The following ALKBH8 variants were observed in gnomAD, a reference collection of about 807,000 sequenced individuals.
ALKBH8 encodes alkB homolog 8, tRNA methyltransferase, also known as tRNA (carboxymethyluridine(34)-5-O)-methyltransferase ALKBH8.
In ALKBH8, 36 loss-of-function variants were observed where a neutral mutation model predicts 59.8. The ratio of observed to expected loss-of-function variants is 0.60; its 90% CI spans 0.46 to 0.79. ALKBH8 has a LOEUF of 0.79. Ranked by LOEUF, ALKBH8 falls within the 30% of genes least tolerant of loss-of-function variation. The probability of loss-of-function intolerance (pLI) is 0.00; values close to 1 mark genes in which losing one functional copy is unlikely to be tolerated. For missense variants in ALKBH8, 768 were observed against 801.0 expected, an observed-to-expected ratio of 0.96 and a Z score of 0.50; for synonymous variants, 276 against 273.6, an observed-to-expected ratio of 1.01 and a Z score of -0.09.
At chr11:107,528,383 A>G (rs1012752324) in intron 8 of ALKBH8, among the ~76,000 whole-genome samples, 3 of 152,180 alleles carry the variant, frequency 2.0e-5, no homozygotes, top group Non-Finnish European at 4.4e-5. Flanking sequence ...GTTTTAGGGT[A>G]CATGTGCACA....
intron 2 of ALKBH8, among the ~76,000 whole-genome samples, chr11:107,560,133 C>T (rs776007990): frequency 7.2e-5 from 11 of 152,124 alleles, no homozygotes; most frequent in Non-Finnish European, 1.2e-4. Context: ...TACTACTACT[C>T]GTGTCCAGAA....
intron 9 of ALKBH8, among the ~76,000 whole-genome samples, chr11:107,523,689 G>A (rs1863228854): frequency 6.9e-6 from 1 of 145,548 alleles, no homozygotes; most frequent in African/African-American, 2.5e-5. Context: ...TGCAACCTCC[G>A]CCTCCTGGGT....
chr11:107,527,930 G>A (rs981969483), intron 8 of ALKBH8, among the ~76,000 whole-genome samples: 1 of 152,024 alleles, frequency 6.6e-6, no homozygotes, highest in Non-Finnish European at 1.5e-5. Flanking sequence ...ATACCATTAA[G>A]TATATGATGT....
intron 1 of ALKBH8, among the ~76,000 whole-genome samples, chr11:107,564,910 T>C (rs990178108): frequency 2.6e-5 from 4 of 152,220 alleles, no homozygotes; most frequent in Non-Finnish European, 5.9e-5. Flanking sequence ...TAAACCTAAA[T>C]CGACTTTGCT....
chr11:107,555,259 C>CA lies in ALKBH8; in HGVS notation c.368-1282dup, dbSNP rs1033212319. Reference sequence around the variant, plus strand: ...TAGGTGAAAGAGCAGGACTCTGTCTCAAAAAAAAATAAAAAAAACTATTTG... The same window carrying CA: ...TAGGTGAAAGAGCAGGACTCTGTCTCAAAAAAAAAATAAAAAAAACTATTTG... On this transcript the variant is annotated intron_variant, in intron 3 of 11. Coordinates refer to ENST00000428149, the MANE Select transcript of ALKBH8 (RefSeq NM_138775.3). Among the ~76,000 whole-genome samples, 14 of 148,842 alleles carry CA rather than the reference C, an allele frequency of 9.4e-5. 1 individual carries two copies. The South Asian group carries it at 1.3e-3, about 14-fold the overall frequency.
At chr11:107,518,704 G>A (rs181172300) in intron 10 of ALKBH8, among the ~76,000 whole-genome samples, 29 of 152,348 alleles carry the variant, frequency 1.9e-4, no homozygotes, top group East Asian at 1.2e-3. Context: ...TTTCCCGTAA[G>A]GGATACTTTT....
chr11:107,520,764 T>A (rs1229686740), intron 10 of ALKBH8, among the ~76,000 whole-genome samples: 4 of 152,204 alleles, frequency 2.6e-5, no homozygotes, highest in Non-Finnish European at 4.4e-5. Context: ...CTTATCTTGA[T>A]GAAAGGCTAT....
intron 8 of ALKBH8, among the ~76,000 whole-genome samples, chr11:107,530,420 T>G (rs1863537168): frequency 6.6e-6 from 1 of 152,194 alleles, no homozygotes; most frequent in South Asian, 2.1e-4. Flanking sequence ...TATTTATACA[T>G]GTTTTAAGTG....
At chr11:107,556,223 A>T (rs2135583571) in intron 3 of ALKBH8, among the ~76,000 whole-genome samples, 1 of 152,314 alleles carries the variant, frequency 6.6e-6, no homozygotes, top group Admixed American at 6.5e-5. Context: ...GGTTGCAGTG[A>T]GCCGAGATTG....
At chr11:107,546,791 T>C (rs749924173) in intron 7 of ALKBH8, among the ~76,000 whole-genome samples, 3 of 152,200 alleles carry the variant, frequency 2.0e-5, no homozygotes, top group Non-Finnish European at 4.4e-5. Flanking sequence ...GGAAAACTAA[T>C]GTATTTGAAA....
intron 10 of ALKBH8, among the ~76,000 whole-genome samples, chr11:107,520,065 C>A (rs627421): frequency 6.6e-6 from 1 of 152,142 alleles, no homozygotes; most frequent in African/African-American, 2.4e-5. Flanking sequence ...TTTTATCCTG[C>A]GGTAAGTCCC....
intron 8 of ALKBH8, among the ~76,000 whole-genome samples, chr11:107,530,230 G>A (rs905393158): frequency 9.9e-5 from 15 of 152,146 alleles, no homozygotes; most frequent in Non-Finnish European, 4.4e-5. Flanking sequence ...TTGATTTAAG[G>A]TATGATGGCT....
intron 8 of ALKBH8, among the ~76,000 whole-genome samples, chr11:107,525,861 AC>A (rs1487591117): frequency 1.3e-5 from 2 of 152,018 alleles, no homozygotes; most frequent in African/African-American, 4.8e-5. Flanking sequence ...TCTAAAAAAA[AC>A]AAAAAAGAAC....
intron 3 of ALKBH8, among the ~76,000 whole-genome samples, chr11:107,555,404 C>T (rs1864667363): frequency 6.6e-6 from 1 of 152,224 alleles, no homozygotes; most frequent in African/African-American, 2.4e-5. Context: ...CCAAAACTTA[C>T]TTTGTGCAAT....
At position 107,505,018 on chromosome 11, in the gene ALKBH8, C is replaced by A. The variant is rs1190353785; in HGVS notation, c.1635G>T (p.Met545Ile). ...TSVQRSLVEQ[M>I]RDMGSRDSAS... ...CCGAGTCTCGACTGCCCATGTCACG[C>A]ATTTGCTCCACAAGTGACCTCTGCA... Residue 545 changes from methionine (M) to isoleucine (I), a missense_variant, in exon 12 of 12, where the codon ATG becomes ATT. Coordinates refer to ENST00000428149, the MANE Select transcript of ALKBH8 (RefSeq NM_138775.3). The A allele has an allele frequency of 6.4e-7, 1 of 1,551,646 alleles. No individual in the cohort carries two copies. Among genetic ancestry groups the A allele is most frequent in the East Asian group, 2.4e-5 (1 of 40,940 alleles).
intron 7 of ALKBH8, among the ~76,000 whole-genome samples, chr11:107,535,916 A>C (rs554777014): frequency 6.6e-6 from 1 of 152,216 alleles, no homozygotes; most frequent in East Asian, 1.9e-4. Context: ...TGGTGTTCTA[A>C]GAAACACAAG....
Position 107,560,867 on chromosome 11 carries a change from G to A in ALKBH8, c.27C>T (p.Tyr9=). Residue 9 remains tyrosine (Y), a synonymous_variant, in exon 2 of 12, where the codon TAC becomes TAT. Coordinates refer to ENST00000428149, the MANE Select transcript of ALKBH8 (RefSeq NM_138775.3). ...ACTTCTTCTCAGTTTTACTGAGTTT[G>A]TAATTACTTTGATGGTTGCTGTCCA... MDSNHQSN[Y]KLSKTEKKFL... 1 of 1,612,336 alleles carries A rather than the reference G, an allele frequency of 6.2e-7. No homozygotes were observed.
At chr11:107,516,503 T>C (rs567391772) in intron 10 of ALKBH8, among the ~76,000 whole-genome samples, 87 of 152,300 alleles carry the variant, frequency 5.7e-4, no homozygotes, top group African/African-American at 2.0e-3. Context: ...ATGAAACTAC[T>C]AGAAGAAAAC....
Position 107,525,433 on chromosome 11 carries a change from A to G in ALKBH8, c.1030+8T>C. On this transcript the variant is annotated splice_region_variant and intron_variant, in intron 9 of 11. Coordinates refer to ENST00000428149, the MANE Select transcript of ALKBH8 (RefSeq NM_138775.3). ...CATTTTACAGACGAGATAAGAGTAT[A>G]TACTTACTACAGTTACAAGGTGTTT... 1.9e-6 allele frequency: 3 copies of G among 1,543,036 alleles called. No individual in the cohort carries two copies. The highest frequency in any genetic ancestry group is 1.7e-6 in the Non-Finnish European group (2 of 1,143,370).
Sources: allele counts gnomAD v4.1 joint callset (sites outside exome capture counted in the v4.1 genomes callset), GRCh38; gene constraint gnomAD v4.1.1; transcripts MANE v1.5; gene names NCBI Gene and HGNC (gene_info 2026-07-23, HGNC 2026-07-21).